GRAMD4: variants seen among roughly 807,000 people sequenced by gnomAD.
GRAMD4 encodes GRAM domain-containing protein 4.
A neutral mutation model predicts 83.9 loss-of-function variants in GRAMD4; 25 were observed. That is an observed-to-expected ratio of 0.30 (90% CI 0.22 to 0.42). The LOEUF is 0.42. Among genes scored for constraint, GRAMD4 ranks in the 10% least tolerant of loss-of-function variants. The pLI, the probability that GRAMD4 is intolerant of heterozygous loss-of-function variation, is 1.00. For missense variants in GRAMD4, 593 were observed against 788.7 expected, an observed-to-expected ratio of 0.75 and a Z score of 2.97; for synonymous variants, 336 against 320.9, an observed-to-expected ratio of 1.05 and a Z score of -0.50.
In GRAMD4 at chr22:46,664,055, G is replaced by A; in HGVS notation, c.655G>A (p.Val219Met). Residue 219 changes from valine (V) to methionine (M), a missense_variant, in exon 8 of 19, where the codon GTG (valine) becomes ATG (methionine). This residue lies in a region of GRAMD4 where 312 missense variants were observed against 350.7 expected (regional missense o/e 0.89). Transcript: ENST00000406902. ...CGGTGCCAAGCCGGTCACTAACTTT[G>A]TGAAGAACCTCTCTGCCTTATCCGA... is the stretch of plus-strand genomic sequence containing the variant. ...KRGAKPVTNF[V>M]KNLSALSDWY... 1 of 1,613,648 alleles carries A rather than the reference G, an allele frequency of 6.2e-7. No individual in the cohort carries two copies. Among genetic ancestry groups the A allele is most frequent in the Non-Finnish European group, 8.5e-7 (1 of 1,179,938 alleles).
Position 46,672,278 on chromosome 22 carries a change from A to G in GRAMD4, c.1085-565A>G, listed in dbSNP as rs564513698. Among the ~76,000 whole-genome samples the G allele has an allele frequency of 6.6e-6, 1 of 152,226 alleles. No individual in the cohort carries two copies. Among genetic ancestry groups the G allele is most frequent in the South Asian group, 2.1e-4 (1 of 4,816 alleles). On this transcript the variant is annotated intron_variant, in intron 13 of 18. Transcript: ENST00000406902. This position sits in a 1 kb window ranked among gnomAD's most constrained non-coding sequence, Gnocchi z 4.7. Reference sequence around the variant, plus strand: ...GTGTCAGGTGACAGTATCGGGGAGAAAACGGAGCTGGTGGAGGGGAACTTG... The same window carrying G: ...GTGTCAGGTGACAGTATCGGGGAGAGAACGGAGCTGGTGGAGGGGAACTTG...
At chr22:46,640,199 T>A (rs7287139) in intron 3 of GRAMD4, among the ~76,000 whole-genome samples, 3 of 151,950 alleles carry the variant, frequency 2.0e-5, no homozygotes, top group Non-Finnish European at 4.4e-5. Flanking sequence ...TGAGTTGAAG[T>A]GGTTGAATAT....
downstream of GRAMD4, chr22:46,682,381 TATG>T (rs1176384115): frequency 2.1e-6 from 2 of 966,860 alleles, no homozygotes; most frequent in African/African-American, 1.8e-5. Flanking sequence ...CTGTAAATGA[TATG>T]ATGACAGAAA....
intron 1 of GRAMD4, among the ~76,000 whole-genome samples, chr22:46,581,290 C>T (rs574527725): frequency 6.6e-6 from 1 of 152,258 alleles, no homozygotes. Context: ...GCACAGCAGG[C>T]CTGCGCTGAG....
At chr22:46,650,958 T>C (rs1265316053) in intron 3 of GRAMD4, among the ~76,000 whole-genome samples, 1 of 152,170 alleles carries the variant, frequency 6.6e-6, no homozygotes, top group Non-Finnish European at 1.5e-5. Context: ...CTTCCTTCCA[T>C]CTTCCCCTCT....
rs544201807 is a variant in GRAMD4 at position 46,613,809 on chromosome 22, C to T, written c.-49-12942C>T. 1.6e-3 allele frequency among the ~76,000 whole-genome samples: 240 copies of T among 152,096 alleles called. 1 individual carries two copies. The highest frequency in any genetic ancestry group is 5.4e-3 in the African/African-American group (226 of 41,496). ...GGCGGGCTGCCCGGCTTGCTGCTTC[C>T]TGCTTCCCAGGCTGTCTTTGACCCC... On this transcript the variant is annotated intron_variant, in intron 1 of 1. Transcript: ENST00000431155.
At chr22:46,652,975 G>A (rs1388769544) in intron 3 of GRAMD4, among the ~76,000 whole-genome samples, 1 of 152,212 alleles carries the variant, frequency 6.6e-6, no homozygotes, top group Non-Finnish European at 1.5e-5. Flanking sequence ...GGAGTCGTGG[G>A]GCGTGTGATC....
At chr22:46,670,675 G>A (rs927992792) in intron 13 of GRAMD4, among the ~76,000 whole-genome samples, 4 of 152,028 alleles carry the variant, frequency 2.6e-5, no homozygotes, top group African/African-American at 7.2e-5. Context: ...GCACGATCTC[G>A]GCTCACTGCA....
chr22:46,649,897 G>C (rs375388953), intron 3 of GRAMD4, among the ~76,000 whole-genome samples: 1 of 152,254 alleles, frequency 6.6e-6, no homozygotes, highest in Non-Finnish European at 1.5e-5. Context: ...AGATGAAGCC[G>C]TACTCTGGGC....
chr22:46,582,379 G>C (rs1402656424), intron 1 of GRAMD4, among the ~76,000 whole-genome samples: 1 of 152,028 alleles, frequency 6.6e-6, no homozygotes, highest in Admixed American at 6.5e-5. Context: ...CTCTTGGTGG[G>C]TTCCCCTGCC....
chr22:46,653,906 C>T lies in GRAMD4; in HGVS notation c.284-4281C>T, dbSNP rs564865965. ...GACTTGTCTCACCTCTGTGTTCCCA[C>T]GTGATAGAGTCACTGCCACAACATG... On this transcript the variant is annotated intron_variant, in intron 3 of 18. Coordinates refer to ENST00000406902, the MANE Select transcript of GRAMD4 (RefSeq NM_015124.5). 9.2e-5 allele frequency among the ~76,000 whole-genome samples: 14 copies of T among 152,284 alleles called. No homozygotes were observed. In the South Asian group the frequency reaches 1.2e-3, roughly 14 times the overall value.
intron 1 of GRAMD4, among the ~76,000 whole-genome samples, chr22:46,625,890 C>T (rs149471543): frequency 1.3e-5 from 2 of 152,346 alleles, no homozygotes; most frequent in East Asian, 1.9e-4. Context: ...GTGAATTACG[C>T]GTGTCCTGAT....
chr22:46,598,985 T>A (rs2081287228), intron 1 of GRAMD4, among the ~76,000 whole-genome samples: 1 of 152,050 alleles, frequency 6.6e-6, no homozygotes, highest in South Asian at 2.1e-4. Flanking sequence ...TCTGGTGGCC[T>A]CCGGTGCCCA....
rs372120587 is a variant in GRAMD4, at chr22:46,646,742, C to A, written c.283+8782C>A. Among the ~76,000 whole-genome samples the A allele has an allele frequency of 1.1e-3, 162 of 152,296 alleles. No individual in the cohort carries two copies. In the South Asian group the frequency reaches 0.012, roughly 11 times the overall value. ...TTACAGTTTCTCTGGTGGTGAAAAG[C>A]TAAACTCTGTGTTAGTGTGTTTTCA... On this transcript the variant is annotated intron_variant, in intron 3 of 18. Transcript: ENST00000406902.
At chr22:46,657,141 A>G (rs1311049834) in intron 3 of GRAMD4, among the ~76,000 whole-genome samples, 1 of 152,190 alleles carries the variant, frequency 6.6e-6, no homozygotes, top group Non-Finnish European at 1.5e-5. Flanking sequence ...GGCAGGGGAC[A>G]CCACACAGAG....
chr22:46,643,141 T>TA (rs2082005534), intron 3 of GRAMD4, among the ~76,000 whole-genome samples: 4 of 4,532 alleles, frequency 8.8e-4, no homozygotes, highest in East Asian at 6.7e-3. Flanking sequence ...CCATGCATCC[T>TA]TCCATCCATC....
chr22:46,583,218 C>T (rs576867243), intron 1 of GRAMD4, among the ~76,000 whole-genome samples: 6 of 152,274 alleles, frequency 3.9e-5, no homozygotes, highest in Non-Finnish European at 4.4e-5. Context: ...GCCACCACAC[C>T]CAGCCAACTC....
chr22:46,587,977 G>A (rs1036883034), intron 1 of GRAMD4: 143 of 983,784 alleles, frequency 1.5e-4, no homozygotes, highest in Non-Finnish European at 1.7e-4. Context: ...CAGGGGGCCA[G>A]GGCCTGGTCA....
chr22:46,596,845 C>T lies in GRAMD4; in HGVS notation c.-50+19555C>T, dbSNP rs576035415. On this transcript the variant is annotated intron_variant, in intron 1 of 1. Coordinates refer to the GRAMD4 transcript ENST00000431155. Reference sequence around the variant, plus strand: ...CAATTACAGGTGTGAGCCACCATGCCTGGCCCAGATTAGGCTTTAAAAATA... The same window carrying T: ...CAATTACAGGTGTGAGCCACCATGCTTGGCCCAGATTAGGCTTTAAAAATA... Among the ~76,000 whole-genome samples, 136 of 152,328 alleles carry T rather than the reference C, an allele frequency of 8.9e-4. 2 individuals are homozygous for T. Among genetic ancestry groups the T allele is most frequent in the African/African-American group, 3.1e-3 (128 of 41,580 alleles).
Sources: gnomAD v4.1 joint callset for allele counts (sites outside exome capture counted in the v4.1 genomes callset) on GRCh38, gnomAD v4.1.1 for gene constraint, gnomAD v4.1.1 regional missense constraint, Gnocchi (gnomAD v3.1) non-coding constraint, MANE v1.5 for transcripts, NCBI Gene and HGNC (gene_info 2026-07-23, HGNC 2026-07-21) for gene names.